Variants in PUDP observed in about 807,000 individuals in gnomAD.
PUDP encodes pseudouridine-5'-phosphatase.
A neutral mutation model predicts 9.4 loss-of-function variants in PUDP; 8 were observed. That is an observed-to-expected ratio of 0.85 (90% CI 0.50 to 1.53). The LOEUF is 1.53. Ranked by LOEUF, PUDP falls within the 40% of genes most tolerant of loss-of-function variation. The pLI, the probability that PUDP is intolerant of heterozygous loss-of-function variation, is 0.00. For missense variants in PUDP, 188 were observed against 189.7 expected (o/e 0.99, Z 0.05); for synonymous variants, 99 against 80.7 (o/e 1.23, Z -1.22).
intron 2 of PUDP, among the ~76,000 whole-genome samples, chrX:7,093,181 G>C (rs1335634289): frequency 9.0e-6 from 1 of 110,991 alleles, no homozygotes; most frequent in Non-Finnish European, 1.9e-5. Flanking sequence ...CCCAGCCCCT[G>C]GCAATCACAA....
intron 2 of PUDP, among the ~76,000 whole-genome samples, chrX:7,086,608 T>C (rs1453530772): frequency 8.9e-6 from 1 of 112,180 alleles, no homozygotes; most frequent in Non-Finnish European, 1.9e-5. Context: ...GGGAGCATGC[T>C]TCTTTCTCAG....
chrX:7,059,888 G>A (rs1269874535), intron 3 of PUDP, among the ~76,000 whole-genome samples: 1 of 112,038 alleles, frequency 8.9e-6, no homozygotes, highest in Non-Finnish European at 1.9e-5. Context: ...ATCTCCAAAT[G>A]TGCCATGTAG....
chrX:7,007,967 T>A (rs1410255533), intron 1 of PUDP, among the ~76,000 whole-genome samples: 3 of 110,395 alleles, frequency 2.7e-5, no homozygotes, highest in East Asian at 2.8e-4. Context: ...TAATAAAATT[T>A]TTTTTTTCTT....
intron 3 of PUDP, among the ~76,000 whole-genome samples, chrX:6,933,659 A>C (rs1928244104): frequency 8.9e-6 from 1 of 112,288 alleles, no homozygotes; most frequent in Admixed American, 9.4e-5. Flanking sequence ...TGAGAGAAGA[A>C]GGCTTCAGAC....
At chrX:6,928,369 G>A (rs983665452) in intron 3 of PUDP, among the ~76,000 whole-genome samples, 3 of 111,509 alleles carry the variant, frequency 2.7e-5, no homozygotes, top group Non-Finnish European at 5.6e-5. Context: ...GGGGTTTGGG[G>A]AGGACATCAG....
In PUDP at chrX:6,903,159, T is replaced by C. The variant is rs758122145; in HGVS notation, c.*247+73974A>G. 4.5e-5 allele frequency among the ~76,000 whole-genome samples: 5 copies of C among 112,341 alleles called. No homozygotes were observed. In the Middle Eastern group the frequency reaches 0.014, roughly 308 times the overall value. ...CACATTTCTGAAAACAAAGGTTCTA[T>C]TGGCAAATGAGCATGAACTTCTTAC... On this transcript the variant is annotated intron_variant and NMD_transcript_variant, in intron 3 of 3. Transcript: ENST00000655425.
chrX:7,076,271 C>G (rs1473781098), intron 3 of PUDP, among the ~76,000 whole-genome samples: 1 of 111,835 alleles, frequency 8.9e-6, no homozygotes, highest in Non-Finnish European at 1.9e-5. Context: ...AGAGGTGAGG[C>G]CTGAAAAAGA....
intron 3 of PUDP, among the ~76,000 whole-genome samples, chrX:7,075,097 A>T (rs906106599): frequency 1.2e-4 from 13 of 112,362 alleles, no homozygotes; most frequent in African/African-American, 4.2e-4. Flanking sequence ...GGAGCTCCTA[A>T]AACACTTGGA....
rs767978951 is a variant in PUDP, at chrX:6,847,502, C to T, written c.*247+129631G>A. On this transcript the variant is annotated intron_variant and NMD_transcript_variant, in intron 3 of 3. Coordinates refer to the PUDP transcript ENST00000655425. Reference sequence around the variant, plus strand: ...TATTTTTCTCCCTTGTCTGAGCCAACACAATCTTACTTTTAAGTGACACAA... The same window carrying T: ...TATTTTTCTCCCTTGTCTGAGCCAATACAATCTTACTTTTAAGTGACACAA... Among the ~76,000 whole-genome samples, 94 of 112,232 alleles carry T rather than the reference C, an allele frequency of 8.4e-4. 1 individual carries two copies. Among genetic ancestry groups the T allele is most frequent in the Non-Finnish European group, 1.5e-3 (80 of 53,219 alleles).
At chrX:6,839,796 G>A (rs1299152777) in intron 3 of PUDP, among the ~76,000 whole-genome samples, 1 of 111,052 alleles carries the variant, frequency 9.0e-6, no homozygotes, top group Non-Finnish European at 1.9e-5. Context: ...CACTTTGGAA[G>A]ACGGTTTGGC....
intron 3 of PUDP, among the ~76,000 whole-genome samples, chrX:6,872,624 A>C (rs763611659): frequency 1.9e-5 from 2 of 105,658 alleles, no homozygotes; most frequent in Non-Finnish European, 3.9e-5. Flanking sequence ...ACTTGAATCC[A>C]GGAGGCGGAG....
chrX:7,018,424 C>T (rs1301780381), intron 1 of PUDP, among the ~76,000 whole-genome samples: 1 of 112,044 alleles, frequency 8.9e-6, no homozygotes, highest in Non-Finnish European at 1.9e-5. Context: ...GACCAGCACA[C>T]CTTTGGTGTA....
rs1048755647 is a variant in PUDP, at chrX:6,886,103, C to T, written c.*247+91030G>A. Among the ~76,000 whole-genome samples, 4 of 112,175 alleles carry T rather than the reference C, an allele frequency of 3.6e-5. No homozygotes were observed. In the Admixed American group the frequency reaches 3.8e-4, roughly 11 times the overall value. On this transcript the variant is annotated intron_variant and NMD_transcript_variant, in intron 3 of 3. Transcript: ENST00000655425. Reference sequence around the variant, plus strand: ...CTGCATCTAACTGTAAAATAAACAGCTCTCCAGAAGCACCTATGCAAATAT... The same window carrying T: ...CTGCATCTAACTGTAAAATAAACAGTTCTCCAGAAGCACCTATGCAAATAT...
chrX:7,101,827 G>A (rs1931744537), intron 2 of PUDP, among the ~76,000 whole-genome samples: 1 of 110,980 alleles, frequency 9.0e-6, no homozygotes, highest in Admixed American at 9.6e-5. Context: ...GAAATGCAAG[G>A]GGCAACACTA....
At chrX:7,059,187 T>C (rs1217279135) in intron 3 of PUDP, among the ~76,000 whole-genome samples, 2 of 111,701 alleles carry the variant, frequency 1.8e-5, no homozygotes, top group Non-Finnish European at 3.8e-5. Flanking sequence ...ATTCTCTCTG[T>C]GTCATTTTAC....
At chrX:7,131,108 T>C (rs758673459) in intron 1 of PUDP, among the ~76,000 whole-genome samples, 5 of 111,275 alleles carry the variant, frequency 4.5e-5, no homozygotes, top group Admixed American at 9.6e-5. Flanking sequence ...CATGTCCAAA[T>C]GCCTAAAATG....
At chrX:6,925,815 T>C (rs913459017) in intron 3 of PUDP, among the ~76,000 whole-genome samples, 2 of 111,646 alleles carry the variant, frequency 1.8e-5, no homozygotes, top group Non-Finnish European at 3.8e-5. Context: ...TAAGGCTCTG[T>C]CTAAAACCTG....
At chrX:6,770,507 T>C (rs979975305) in intron 3 of PUDP, among the ~76,000 whole-genome samples, 9 of 111,988 alleles carry the variant, frequency 8.0e-5, no homozygotes, top group African/African-American at 2.9e-4. Context: ...TTGTTTTTTG[T>C]TTTTTTATGG....
At chrX:6,961,586 CAT>C (rs1221879350) in intron 3 of PUDP, among the ~76,000 whole-genome samples, 4 of 111,339 alleles carry the variant, frequency 3.6e-5, no homozygotes, top group African/African-American at 1.3e-4. Context: ...AAATTACCCA[CAT>C]GTGTTAAGCA....
Sources: gnomAD v4.1 joint callset for allele counts (sites outside exome capture counted in the v4.1 genomes callset) on GRCh38, gnomAD v4.1.1 for gene constraint, MANE v1.5 for transcripts, NCBI Gene and HGNC (gene_info 2026-07-23, HGNC 2026-07-21) for gene names.